EFHC2: variants seen among roughly 807,000 people sequenced by gnomAD.
The protein encoded by EFHC2 is EF-hand domain containing 2.
EFHC2 carries 18 observed loss-of-function variants against 52.7 expected under a neutral mutation model. The ratio of observed to expected loss-of-function variants is 0.34; its 90% CI spans 0.24 to 0.51. The LOEUF is 0.51. Ranked by LOEUF, EFHC2 falls within the 20% of genes least tolerant of loss-of-function variation. The probability of loss-of-function intolerance (pLI) is 0.97; values close to 1 mark genes in which losing one functional copy is unlikely to be tolerated. For synonymous variants in EFHC2, 203 were observed against 204.1 expected (o/e 0.99, Z 0.04); for missense variants, 513 against 562.5 (o/e 0.91, Z 0.89).
chrX:44,155,079 A>G (rs1299427194), intron 14 of EFHC2, among the ~76,000 whole-genome samples: 3 of 112,146 alleles, frequency 2.7e-5, no homozygotes, highest in Non-Finnish European at 5.6e-5. Context: ...TGTAATCTGG[A>G]GCATAAACAA....
intron 1 of EFHC2, among the ~76,000 whole-genome samples, chrX:44,326,427 T>C (rs2038052356): frequency 1.8e-5 from 2 of 111,093 alleles, no homozygotes; most frequent in South Asian, 3.8e-4. Context: ...ATATTTGAGG[T>C]GATAAATATG....
intron 11 of EFHC2, among the ~76,000 whole-genome samples, chrX:44,207,493 AGAGT>A (rs1436819905): frequency 1.8e-5 from 2 of 110,554 alleles, no homozygotes; most frequent in Non-Finnish European, 3.8e-5. Flanking sequence ...CCTGGGTGAC[AGAGT>A]GAGACTCCGT....
chrX:44,205,440 CCTT>C (rs1464389047), intron 11 of EFHC2, among the ~76,000 whole-genome samples: 1 of 109,246 alleles, frequency 9.2e-6, no homozygotes, highest in Non-Finnish European at 1.9e-5. Context: ...CAAGACCCAA[CCTT>C]CTCCTGTTTT....
chrX:44,292,636 A>T (rs2147368506), intron 2 of EFHC2, among the ~76,000 whole-genome samples: 1 of 111,852 alleles, frequency 8.9e-6, no homozygotes, highest in Non-Finnish European at 1.9e-5. Flanking sequence ...GTACCCACCC[A>T]AATTTCATGT....
chrX:44,189,714 G>A (rs2036905510), intron 11 of EFHC2, among the ~76,000 whole-genome samples: 1 of 111,050 alleles, frequency 9.0e-6, no homozygotes, highest in Non-Finnish European at 1.9e-5. Context: ...CTGGGCCTCG[G>A]ATGGACTCTA....
At chrX:44,337,622 C>G (rs1291698218) in intron 1 of EFHC2, among the ~76,000 whole-genome samples, 3 of 112,283 alleles carry the variant, frequency 2.7e-5, no homozygotes, top group Non-Finnish European at 5.6e-5. Context: ...CTACAATATT[C>G]TCATTCCAGT....
intron 2 of EFHC2, among the ~76,000 whole-genome samples, chrX:44,280,030 T>TAC (rs766337222): frequency 0.055 from 3,651 of 66,777 alleles, 92 homozygotes; most frequent in African/African-American, 0.078. Flanking sequence ...CCATCCCCCA[T>TAC]ACACACACAC....
At position 44,176,847 on chromosome X, in the gene EFHC2, G is replaced by A. The variant is rs1025908808; in HGVS notation, c.1950-463C>T. On this transcript the variant is annotated intron_variant, in intron 12 of 14. Coordinates refer to ENST00000420999, the MANE Select transcript of EFHC2 (RefSeq NM_025184.4). ...CCTTATCACCTGGAAGCCCCAGCTG[G>A]GGCCTCAATATTCACTTCAATTTTT... Among the ~76,000 whole-genome samples, 16 of 111,605 alleles carry A rather than the reference G, an allele frequency of 1.4e-4. No individual in the cohort carries two copies. The East Asian group carries it at 2.5e-3, about 18-fold the overall frequency.
chrX:44,207,507 T>C (rs1336688620), intron 11 of EFHC2, among the ~76,000 whole-genome samples: 2 of 105,346 alleles, frequency 1.9e-5, no homozygotes, highest in African/African-American at 3.5e-5. Flanking sequence ...TGAGACTCCG[T>C]CTCTAAAAAA....
intron 2 of EFHC2, chrX:44,285,475 A>G (rs957805491): frequency 5.3e-5 from 6 of 112,156 alleles, no homozygotes; most frequent in African/African-American, 1.9e-4. Flanking sequence ...TAGACTTGCT[A>G]TATTCCAGGC....
At position 44,187,451 on chromosome X, in the gene EFHC2, A is replaced by AT. The variant is rs752178873; in HGVS notation, c.1752-8888dup. ...ATACTTCTGTTACTAGATATTACAC[A>AT]TTTTTTTTCCAAATTTTTATATAAA... On this transcript the variant is annotated intron_variant, in intron 11 of 14. Coordinates refer to ENST00000420999, the MANE Select transcript of EFHC2 (RefSeq NM_025184.4). Among the ~76,000 whole-genome samples, 36 of 110,358 alleles carry AT rather than the reference A, an allele frequency of 3.3e-4. No individual in the cohort carries two copies. In the South Asian group the frequency reaches 0.013, roughly 39 times the overall value.
In EFHC2 at chrX:44,248,814, C is replaced by T. The variant is rs767651632; in HGVS notation, c.961G>A (p.Asp321Asn). Residue 321 changes from aspartate to asparagine, a missense_variant, in exon 6 of 15, where the codon GAT becomes AAT. Physicochemically the swap from Asp to Asn is conservative, Grantham distance 23. Coordinates refer to ENST00000420999, the MANE Select transcript of EFHC2 (RefSeq NM_025184.4). ...ATGAGGTTCCTTCCCTTATATCTAT[C>T]GAACAGGTAGCCATCCGCTTGGTTC... ...IKNQADGYLF[D>N]RYKLGKVDQE... The T allele has an allele frequency of 5.8e-6, 7 of 1,204,585 alleles. No individual in the cohort carries two copies. Among genetic ancestry groups the T allele is most frequent in the South Asian group, 3.6e-5 (2 of 56,333 alleles).
At chrX:44,314,989 T>C (rs1420196609) in intron 1 of EFHC2, among the ~76,000 whole-genome samples, 1 of 111,556 alleles carries the variant, frequency 9.0e-6, no homozygotes, top group Non-Finnish European at 1.9e-5. Context: ...CATGTTGAAA[T>C]GTGATTCTCA....
intron 11 of EFHC2, among the ~76,000 whole-genome samples, chrX:44,187,422 A>C (rs1321489347): frequency 9.1e-6 from 1 of 110,491 alleles, no homozygotes. Context: ...CAAAATGCTA[A>C]ACCATACTTC....
At chrX:44,160,648 A>G (rs973046900) in intron 14 of EFHC2, among the ~76,000 whole-genome samples, 3 of 112,253 alleles carry the variant, frequency 2.7e-5, no homozygotes, top group African/African-American at 9.7e-5. Flanking sequence ...AGGGCCAGGC[A>G]CGGTGGCTCA....
intron 2 of EFHC2, among the ~76,000 whole-genome samples, chrX:44,302,175 T>C (rs1395028051): frequency 1.8e-5 from 2 of 111,490 alleles, no homozygotes; most frequent in African/African-American, 6.5e-5. Flanking sequence ...CACCGACACT[T>C]AGTGGTAAGA....
chrX:44,219,847 G>A (rs889983978), intron 11 of EFHC2, among the ~76,000 whole-genome samples: 7 of 111,086 alleles, frequency 6.3e-5, no homozygotes, highest in African/African-American at 2.3e-4. Flanking sequence ...CAACCTGTGC[G>A]CTACTCTATG....
chrX:44,275,588 C>T (rs773684242), intron 2 of EFHC2, among the ~76,000 whole-genome samples: 1 of 108,756 alleles, frequency 9.2e-6, no homozygotes, highest in African/African-American at 3.3e-5. Context: ...AAGGTGTTAT[C>T]ATCATTTATG....
intron 2 of EFHC2, chrX:44,284,135 C>T (rs1373568905): frequency 8.9e-6 from 1 of 112,032 alleles, no homozygotes; most frequent in African/African-American, 3.2e-5. Context: ...AAGGTTCATC[C>T]TGCCACAGAA....
Sources: allele counts gnomAD v4.1 joint callset (sites outside exome capture counted in the v4.1 genomes callset), GRCh38; gene constraint gnomAD v4.1.1; transcripts MANE v1.5; gene names NCBI Gene and HGNC (gene_info 2026-07-23, HGNC 2026-07-21).